GALNT17: variants seen among roughly 807,000 people sequenced by gnomAD.
The protein encoded by GALNT17 is polypeptide N-acetylgalactosaminyltransferase 17, also known as UDP-GalNAc:polypeptide N-acetylgalactosaminyltransferase-like 3.
In GALNT17, 29 loss-of-function variants were observed where a neutral mutation model predicts 63.7. That is an observed-to-expected ratio of 0.46 (90% CI 0.34 to 0.62). GALNT17 has a LOEUF of 0.62. Ranked by LOEUF, GALNT17 falls within the 20% of genes least tolerant of loss-of-function variation. The pLI is 0.01. For synonymous variants in GALNT17, 305 were observed against 318.3 expected, an observed-to-expected ratio of 0.96 and a Z score of 0.45; for missense variants, 603 against 799.6, an observed-to-expected ratio of 0.75 and a Z score of 2.97.
intron 1 of GALNT17, among the ~76,000 whole-genome samples, chr7:71,294,409 CTTTTTTTTTTT>C (rs869086513): frequency 1.1e-5 from 1 of 91,920 alleles, no homozygotes; most frequent in Non-Finnish European, 1.9e-5. Context: ...CTCATAAGTC[CTTTTTTTTTTT>C]TTTTTTTTTT....
chr7:71,225,336 A>T (rs375962612), intron 1 of GALNT17, among the ~76,000 whole-genome samples: 1 of 152,190 alleles, frequency 6.6e-6, no homozygotes, highest in Non-Finnish European at 1.5e-5. Flanking sequence ...TGCACTAGGG[A>T]TTATTATATC....
chr7:71,295,100 G>A (rs970176894), intron 1 of GALNT17, among the ~76,000 whole-genome samples: 3 of 152,052 alleles, frequency 2.0e-5, no homozygotes, highest in South Asian at 2.1e-4. Flanking sequence ...CCCTTACAAT[G>A]GGCCGAGGAT....
intron 1 of GALNT17, among the ~76,000 whole-genome samples, chr7:71,245,747 CT>C (rs1012507542): frequency 2.0e-5 from 3 of 151,588 alleles, no homozygotes; most frequent in African/African-American, 7.3e-5. Flanking sequence ...GTGGAAAATT[CT>C]TTTAAAGAGG....
chr7:71,296,225 A>G (rs758098058), intron 1 of GALNT17, among the ~76,000 whole-genome samples: 3 of 152,180 alleles, frequency 2.0e-5, no homozygotes, highest in Admixed American at 6.5e-5. Context: ...TATCAGAGGC[A>G]AGAATGAAGT....
At chr7:71,599,104 C>A (rs568033188) in intron 6 of GALNT17, among the ~76,000 whole-genome samples, 8 of 152,024 alleles carry the variant, frequency 5.3e-5, no homozygotes, top group Admixed American at 2.0e-4. Flanking sequence ...GTTGGAAAAG[C>A]AGGAAGAAGC....
intron 1 of GALNT17, among the ~76,000 whole-genome samples, chr7:71,297,347 C>A (rs1425451332): frequency 6.6e-6 from 1 of 152,162 alleles, no homozygotes; most frequent in African/African-American, 2.4e-5. Flanking sequence ...AGTTTGAGAC[C>A]AGCCTGACCA....
At chr7:71,315,250 AC>A (rs1322057955) in intron 1 of GALNT17, among the ~76,000 whole-genome samples, 54 of 152,188 alleles carry the variant, frequency 3.5e-4, no homozygotes, top group African/African-American at 1.2e-3. Context: ...TGGATACACC[AC>A]ATTTTGTTTA....
At chr7:71,685,640 G>T (rs1332602220) in intron 9 of GALNT17, 2 of 152,146 alleles carry the variant, frequency 1.3e-5, no homozygotes, top group East Asian at 1.9e-4. Context: ...GGATGCACGT[G>T]GAGGGGTGAG....
At chr7:71,609,460 G>A (rs1374800339) in intron 6 of GALNT17, among the ~76,000 whole-genome samples, 1 of 152,212 alleles carries the variant, frequency 6.6e-6, no homozygotes, top group African/African-American at 2.4e-5. Context: ...AGACATTGTT[G>A]TTCCACCATT....
chr7:71,141,840 C>CTCTG (rs1366380062), intron 1 of GALNT17, among the ~76,000 whole-genome samples: 1 of 125,078 alleles, frequency 8.0e-6, no homozygotes, highest in African/African-American at 3.1e-5. Context: ...CCACGTCTGG[C>CTCTG]TGTGTGTGTG....
At chr7:71,529,361 TAGTA>T (rs1788677264) in intron 5 of GALNT17, among the ~76,000 whole-genome samples, 1 of 151,952 alleles carries the variant, frequency 6.6e-6, no homozygotes, top group African/African-American at 2.4e-5. Context: ...CTTCCACACA[TAGTA>T]AGGAAGAAAA....
At chr7:71,475,859 C>T (rs2116627411) in intron 5 of GALNT17, among the ~76,000 whole-genome samples, 1 of 152,298 alleles carries the variant, frequency 6.6e-6, no homozygotes, top group South Asian at 2.1e-4. Context: ...CAGGAATCTC[C>T]TACCCATTCC....
At chr7:71,482,564 G>A (rs1054231340) in intron 5 of GALNT17, among the ~76,000 whole-genome samples, 1 of 152,206 alleles carries the variant, frequency 6.6e-6, no homozygotes, top group African/African-American at 2.4e-5. Flanking sequence ...TAGCCTGTAT[G>A]GTAAAGCGTG....
intron 5 of GALNT17, among the ~76,000 whole-genome samples, chr7:71,570,137 A>G (rs955902209): frequency 6.6e-6 from 1 of 151,874 alleles, no homozygotes; most frequent in African/African-American, 2.4e-5. Context: ...CTAATTTTCA[A>G]TAGGTCAACT....
At chr7:71,135,597 T>C (rs1787770564) in intron 1 of GALNT17, among the ~76,000 whole-genome samples, 1 of 152,186 alleles carries the variant, frequency 6.6e-6, no homozygotes, top group African/African-American at 2.4e-5. Context: ...TCAGAATCAC[T>C]GAAGAGCCCT....
intron 1 of GALNT17, among the ~76,000 whole-genome samples, chr7:71,161,497 A>G (rs1788341261): frequency 6.6e-6 from 1 of 151,834 alleles, no homozygotes; most frequent in East Asian, 1.9e-4. Flanking sequence ...CTTTCCACAG[A>G]CTCATTTCTT....
intron 7 of GALNT17, among the ~76,000 whole-genome samples, chr7:71,667,754 C>T (rs982606416): frequency 1.8e-4 from 28 of 152,200 alleles, no homozygotes; most frequent in African/African-American, 6.7e-4. Context: ...CACCCCAGCC[C>T]TGTGAAATAG....
intron 5 of GALNT17, among the ~76,000 whole-genome samples, chr7:71,511,037 C>G (rs1788346952): frequency 6.6e-6 from 1 of 151,984 alleles, no homozygotes; most frequent in Non-Finnish European, 1.5e-5. Flanking sequence ...ATAGAATTAG[C>G]CAGGCATGGT....
At chr7:71,339,826 A>G (rs1320364121) in intron 2 of GALNT17, among the ~76,000 whole-genome samples, 1 of 152,172 alleles carries the variant, frequency 6.6e-6, no homozygotes, top group African/African-American at 2.4e-5. Context: ...TTGCCGTGTG[A>G]TGTAACATGA....
Sources: gnomAD v4.1 joint callset for allele counts (sites outside exome capture counted in the v4.1 genomes callset) on GRCh38, gnomAD v4.1.1 for gene constraint, MANE v1.5 for transcripts, NCBI Gene and HGNC (gene_info 2026-07-23, HGNC 2026-07-21) for gene names.